The following ABCC1 variants were observed in gnomAD, a reference collection of about 807,000 sequenced individuals.
The protein encoded by ABCC1 is multidrug resistance-associated protein 1.
ABCC1 carries 83 observed loss-of-function variants against 172.9 expected under a neutral mutation model. The observed-to-expected ratio is 0.48, with a 90% confidence interval of 0.40 to 0.58. The LOEUF (loss-of-function observed/expected upper bound fraction) is 0.58, where lower values mean the gene tolerates loss of function less well. Among genes scored for constraint, ABCC1 ranks in the 20% least tolerant of loss-of-function variants. ABCC1 has a pLI of 0.00. For missense variants in ABCC1, 1,817 were observed against 2,002.7 expected (o/e 0.91, Z 1.77); for synonymous variants, 937 against 825.2 (o/e 1.14, Z -2.32).
chr16:15,956,616 C>T (rs531801234), intron 1 of ABCC1, among the ~76,000 whole-genome samples: 11 of 152,140 alleles, frequency 7.2e-5, no homozygotes, highest in African/African-American at 2.4e-4. Flanking sequence ...GGATTATAGG[C>T]GTGAGCCACT....
At chr16:16,128,416 T>C (rs1435956157) in intron 26 of ABCC1, among the ~76,000 whole-genome samples, 1 of 152,102 alleles carries the variant, frequency 6.6e-6, no homozygotes, top group East Asian at 1.9e-4. Flanking sequence ...CCCAAAGTGC[T>C]GGGATCACAG....
chr16:16,004,681 T>A (rs1025607735), intron 1 of ABCC1, among the ~76,000 whole-genome samples: 1 of 138,720 alleles, frequency 7.2e-6, no homozygotes, highest in Admixed American at 8.0e-5. Context: ...TTTTTTGAGA[T>A]GGAGACTGTG....
intron 3 of ABCC1, among the ~76,000 whole-genome samples, chr16:16,011,232 C>CA (rs3837749): frequency 6.7e-6 from 1 of 149,704 alleles, no homozygotes; most frequent in African/African-American, 2.5e-5. Context: ...GACCTCATCT[C>CA]AAAAAAGAAA....
chr16:16,021,158 T>C (rs977295110), intron 5 of ABCC1, among the ~76,000 whole-genome samples: 1 of 152,152 alleles, frequency 6.6e-6, no homozygotes, highest in Non-Finnish European at 1.5e-5. Context: ...ACGTATATTA[T>C]GTCTTGCATA....
intron 1 of ABCC1, among the ~76,000 whole-genome samples, chr16:15,962,170 T>G (rs542655077): frequency 1.4e-4 from 21 of 152,348 alleles, no homozygotes; most frequent in African/African-American, 4.3e-4. Context: ...CTTTGCCCAG[T>G]TAAGTTAAAC....
intron 27 of ABCC1, 58 bp from the exon 28 acceptor site, chr16:16,134,292 G>C: frequency 6.2e-7 from 1 of 1,602,278 alleles, no homozygotes; most frequent in Non-Finnish European, 8.5e-7. Flanking sequence ...GCACTTTGGG[G>C]CAGGGACAAG....
chr16:16,010,066 C>G (rs1055841520), intron 3 of ABCC1, among the ~76,000 whole-genome samples, 165 bp downstream of exon 3: 53 of 13,728 alleles, frequency 3.9e-3, no homozygotes, highest in African/African-American at 0.014. Flanking sequence ...TTTTTAAAGA[C>G]ATGAGATCTC....
chr16:16,014,948 C>T (rs2047940126), intron 4 of ABCC1, among the ~76,000 whole-genome samples: 1 of 152,082 alleles, frequency 6.6e-6, no homozygotes, highest in South Asian at 2.1e-4. Flanking sequence ...AGACAGGCGG[C>T]TCCAAATTTT....
In ABCC1 at chr16:16,046,013, G is replaced by A; in HGVS notation, c.1218G>A (p.Lys406=). The A allele has an allele frequency of 1.2e-6, 2 of 1,614,010 alleles. No individual in the cohort carries two copies. The highest frequency in any genetic ancestry group is 1.7e-5 in the Admixed American group (1 of 60,006). Residue 406 remains lysine (K), a splice_region_variant and synonymous_variant, in exon 9 of 31, where the codon AAG becomes AAA. Transcript: ENST00000399410. Reference sequence around the variant, plus strand: ...CTGTCATTGGGGCTGTCTATCGGAAGGTAGGGGACGCTGTGCCATTGGCAT... The same window carrying A: ...CTGTCATTGGGGCTGTCTATCGGAAAGTAGGGGACGCTGTGCCATTGGCAT... ...KTAVIGAVYR[K]ALVITNSARK... is the part of the protein sequence containing the mutation.
At chr16:15,963,542 C>T (rs1597056270) in intron 1 of ABCC1, among the ~76,000 whole-genome samples, 2 of 152,132 alleles carry the variant, frequency 1.3e-5, no homozygotes. Context: ...TGCATACATC[C>T]TCTGAAATCT....
At chr16:16,098,854 G>C (rs773421345) in intron 19 of ABCC1, 1 of 1,352,034 alleles carries the variant, frequency 7.4e-7, no homozygotes, top group East Asian at 4.5e-5. Context: ...ACAATATCTT[G>C]GGTCTTCTGA....
chr16:15,952,333 A>G (rs891892208), intron 1 of ABCC1, among the ~76,000 whole-genome samples: 14 of 152,106 alleles, frequency 9.2e-5, no homozygotes, highest in African/African-American at 3.1e-4. Context: ...TTGGGCTGTG[A>G]AAAGGCAGTG....
intron 5 of ABCC1, 150 bp downstream of exon 5, chr16:16,016,771 A>G: frequency 8.0e-7 from 1 of 1,245,810 alleles, no homozygotes; most frequent in East Asian, 2.4e-5. Flanking sequence ...CCTACTTTAC[A>G]GATGGAAAAA....
At chr16:16,101,705 G>GTCA (rs747626768) in intron 19 of ABCC1, among the ~76,000 whole-genome samples, 1 of 152,138 alleles carries the variant, frequency 6.6e-6, no homozygotes, top group African/African-American at 2.4e-5. Flanking sequence ...GGGGGCAGTA[G>GTCA]TCATCATCAT....
intron 28 of ABCC1, among the ~76,000 whole-genome samples, chr16:16,136,260 G>A (rs1262103089): frequency 6.6e-6 from 1 of 152,136 alleles, no homozygotes; most frequent in East Asian, 1.9e-4. Context: ...CTGACCTTAA[G>A]TGATCCACTC....
intron 1 of ABCC1, among the ~76,000 whole-genome samples, chr16:15,956,491 A>G (rs1341275453): frequency 6.6e-6 from 1 of 151,814 alleles, no homozygotes; most frequent in Admixed American, 6.6e-5. Context: ...GATAACACTA[A>G]TTCTGTTGTT....
In ABCC1 at chr16:16,016,621, TGTAA is replaced by T. The variant is rs769660954; in HGVS notation, c.615+3_615+6del. 1.9e-6 allele frequency: 3 copies of T among 1,614,052 alleles called. No individual in the cohort carries two copies. The African/African-American group carries it at 4.0e-5, about 22-fold the overall frequency. ...TGTTCTCGGAAACCATCCACGACCC[TGTAA>T]GTGTGACCACAGATGAGTGTGTGTG... On this transcript the variant is annotated splice_donor_variant and splice_donor_region_variant and intron_variant, in intron 5 of 30. Coordinates refer to ENST00000399410, the MANE Select transcript of ABCC1 (RefSeq NM_004996.4). LOFTEE classifies it high-confidence loss of function.
chr16:16,002,717 A>G (rs1202517878), intron 1 of ABCC1, among the ~76,000 whole-genome samples: 1 of 150,718 alleles, frequency 6.6e-6, no homozygotes, highest in African/African-American at 2.4e-5. Context: ...GGCTGCAGTG[A>G]GCTATGATTG....
chr16:16,039,239 ATG>A (rs71137905), intron 7 of ABCC1, among the ~76,000 whole-genome samples: 4,175 of 119,356 alleles, frequency 0.035, 252 homozygotes, highest in African/African-American at 0.12. Flanking sequence ...GTGTGTATGT[ATG>A]TGTGTGTGTG....
Sources: allele counts gnomAD v4.1 joint callset (sites outside exome capture counted in the v4.1 genomes callset), GRCh38; gene constraint gnomAD v4.1.1; transcripts MANE v1.5; gene names NCBI Gene and HGNC (gene_info 2026-07-23, HGNC 2026-07-21).